PHKA1: variants seen among roughly 807,000 people sequenced by gnomAD.
The protein encoded by PHKA1 is phosphorylase kinase regulatory subunit alpha 1.
A neutral mutation model predicts 110.2 loss-of-function variants in PHKA1; 60 were observed. The ratio of observed to expected loss-of-function variants is 0.54; its 90% CI spans 0.44 to 0.68. The LOEUF is 0.68. Among genes scored for constraint, PHKA1 ranks in the 30% least tolerant of loss-of-function variants. The pLI, the probability that PHKA1 is intolerant of heterozygous loss-of-function variation, is 0.00. For missense variants in PHKA1, 801 were observed against 942.5 expected, an observed-to-expected ratio of 0.85 and a Z score of 1.97; for synonymous variants, 316 against 333.6, an observed-to-expected ratio of 0.95 and a Z score of 0.58.
At position 72,621,919 on chromosome X, in the gene PHKA1, C is replaced by T. The variant is rs893896766; in HGVS notation, c.1961-1018G>A. On this transcript the variant is annotated intron_variant, in intron 18 of 31. Coordinates refer to ENST00000373542, the MANE Select transcript of PHKA1 (RefSeq NM_002637.4). ...ACTCAGAATGCCATAATGTCAAATTCAGTAACACGTATCATTAGAAATATA... is the reference window on the plus strand; with the variant it reads ...ACTCAGAATGCCATAATGTCAAATTTAGTAACACGTATCATTAGAAATATA... 8.0e-6 allele frequency: 6 copies of T among 747,521 alleles called. No individual in the cohort carries two copies. The African/African-American group carries it at 9.3e-5, about 12-fold the overall frequency. The allele number at this position is 747,521 out of a possible 1,213,427, so 61.6% of individuals were successfully genotyped here. A position where few individuals can be genotyped will look rare whatever the true frequency, so the allele number is the denominator to read the frequency against.
intron 10 of PHKA1, among the ~76,000 whole-genome samples, chrX:72,654,824 G>T: frequency 1.0e-5 from 1 of 96,231 alleles, no homozygotes; most frequent in African/African-American, 3.9e-5. Flanking sequence ...TTGAGACGGA[G>T]TCTCGCTCTG....
Position 72,611,056 on chromosome X carries a change from A to G in PHKA1, c.2498T>C (p.Leu833Ser). 8.3e-7 allele frequency: 1 copy of G among 1,207,637 alleles called. No individual in the cohort carries two copies. Among genetic ancestry groups the G allele is most frequent in the Non-Finnish European group, 1.1e-6 (1 of 892,174 alleles). ...ATCAAGTGCTTCCACTTTCTTCCTTAAGATCCCAGAAATGTATCGGATCAG... is the reference window on the plus strand; with the variant it reads ...ATCAAGTGCTTCCACTTTCTTCCTTGAGATCCCAGAAATGTATCGGATCAG... Reference protein sequence around the residue: ...WGLIRYISGILRKKVEALDEA... With the variant: ...WGLIRYISGISRKKVEALDEA... The change falls in exon 22 of 32, where the codon TTA becomes TCA. Residue 833 changes from leucine to serine, a missense_variant. Coordinates refer to ENST00000373542, the MANE Select transcript of PHKA1 (RefSeq NM_002637.4).
At chrX:72,656,039 G>A in intron 10 of PHKA1, 81 bp downstream of exon 10, 2 of 1,084,933 alleles carry the variant, frequency 1.8e-6, no homozygotes, top group Non-Finnish European at 2.6e-6. Context: ...ACTTCCAACT[G>A]GACACAGGGT....
chrX:72,582,567 T>G lies in PHKA1; in HGVS notation c.3329A>C (p.His1110Pro), dbSNP rs1556204463. ...TACACGATTCAGGACAGACTCCACA[T>G]GAACAGAGAATTTAATCTCACCTGG... Reference protein sequence around the residue: ...MTPGEIKFSVHVESVLNRVPQ... With the variant: ...MTPGEIKFSVPVESVLNRVPQ... The change falls in exon 31 of 32, where the codon CAT becomes CCT. Residue 1110 changes from histidine (H) to proline (P), a missense_variant. Physicochemically the swap from His to Pro is moderately conservative, Grantham distance 77. Coordinates refer to ENST00000373542, the MANE Select transcript of PHKA1 (RefSeq NM_002637.4). The G allele has an allele frequency of 8.3e-7, 1 of 1,200,802 alleles. No individual in the cohort carries two copies. Among genetic ancestry groups the G allele is most frequent in the Admixed American group, 2.2e-5 (1 of 45,967 alleles).
chrX:72,658,197 T>G (rs1183659926), intron 8 of PHKA1, among the ~76,000 whole-genome samples: 1 of 111,768 alleles, frequency 8.9e-6, no homozygotes, highest in African/African-American at 3.3e-5. Flanking sequence ...TAGTGGCTCA[T>G]GCCTGTAACC....
intron 29 of PHKA1, among the ~76,000 whole-genome samples, chrX:72,587,612 G>C (rs1419994945): frequency 9.0e-6 from 1 of 111,647 alleles, no homozygotes; most frequent in African/African-American, 3.3e-5. Flanking sequence ...TGGGCTAAAT[G>C]CTGCAATTAA....
chrX:72,609,013 T>C (rs1174746379), intron 23 of PHKA1, among the ~76,000 whole-genome samples: 1 of 112,258 alleles, frequency 8.9e-6, no homozygotes, highest in Non-Finnish European at 1.9e-5. Context: ...TTACTGCAGA[T>C]GAATTTTACT....
intron 28 of PHKA1, among the ~76,000 whole-genome samples, chrX:72,598,738 G>A: frequency 9.0e-6 from 1 of 111,565 alleles, no homozygotes; most frequent in Non-Finnish European, 1.9e-5. Context: ...CTAAGTAAAG[G>A]ATAAAATACA....
chrX:72,657,096 T>C (rs1449301344), intron 9 of PHKA1, among the ~76,000 whole-genome samples: 2 of 112,212 alleles, frequency 1.8e-5, no homozygotes, highest in East Asian at 2.8e-4. Context: ...ATTTTTCTCA[T>C]TGATATTTCC....
chrX:72,640,854 G>T (rs2053287940), intron 14 of PHKA1, among the ~76,000 whole-genome samples: 1 of 111,344 alleles, frequency 9.0e-6, no homozygotes. Flanking sequence ...AATATTTAAA[G>T]ATTTGTACAC....
At position 72,609,623 on chromosome X, in the gene PHKA1, C is replaced by G. The variant is rs373517016; in HGVS notation, c.2606+1G>C. ...GCCTGACCAAACCCAGCCATACTCA[C>G]GCAGAGATAGTCTTTTCTCGAGGTT... On this transcript the variant is annotated splice_donor_variant, in intron 23 of 31. Coordinates refer to ENST00000373542, the MANE Select transcript of PHKA1 (RefSeq NM_002637.4). LOFTEE classifies it high-confidence loss of function. 8.4e-7 allele frequency: 1 copy of G among 1,190,373 alleles called. No homozygotes were observed. Among genetic ancestry groups the G allele is most frequent in the Non-Finnish European group, 1.1e-6 (1 of 876,084 alleles).
intron 25 of PHKA1, among the ~76,000 whole-genome samples, chrX:72,604,481 ATG>A (rs1470692998): frequency 1.8e-5 from 2 of 111,835 alleles, no homozygotes; most frequent in Non-Finnish European, 3.8e-5. Context: ...AAATTATCTC[ATG>A]TGTTTGAGTT....
At chrX:72,655,490 T>A (rs1252199357) in intron 10 of PHKA1, among the ~76,000 whole-genome samples, 1 of 112,578 alleles carries the variant, frequency 8.9e-6, no homozygotes, top group Non-Finnish European at 1.9e-5. Flanking sequence ...ACAATATGTC[T>A]TTATCTGTGA....
chrX:72,582,086 C>T, intron 31 of PHKA1, among the ~76,000 whole-genome samples: 1 of 112,033 alleles, frequency 8.9e-6, no homozygotes, highest in Admixed American at 9.5e-5. Flanking sequence ...CTACAAAAAG[C>T]ACTGTGATCA....
At chrX:72,590,609 T>C (rs1182021281) in intron 29 of PHKA1, among the ~76,000 whole-genome samples, 1 of 111,980 alleles carries the variant, frequency 8.9e-6, no homozygotes, top group Non-Finnish European at 1.9e-5. Context: ...GAAACTACCA[T>C]CAGAGTGCAC....
At chrX:72,710,902 C>T (rs2054368359) in intron 2 of PHKA1, among the ~76,000 whole-genome samples, 1 of 105,025 alleles carries the variant, frequency 9.5e-6, no homozygotes, top group African/African-American at 3.5e-5. Flanking sequence ...CGCTCTGTCG[C>T]CCAGGCTGGA....
intron 21 of PHKA1, among the ~76,000 whole-genome samples, chrX:72,616,875 G>T (rs920222207): frequency 4.5e-5 from 5 of 111,329 alleles, no homozygotes; most frequent in Non-Finnish European, 5.7e-5. Flanking sequence ...ACAAATACAA[G>T]GAAATTAAAC....
At chrX:72,685,746 G>A (rs1262946435) in intron 4 of PHKA1, among the ~76,000 whole-genome samples, 3 of 111,915 alleles carry the variant, frequency 2.7e-5, no homozygotes, top group Non-Finnish European at 5.7e-5. Context: ...TTAAAAATCA[G>A]GAAGCTAATT....
Position 72,676,092 on chromosome X carries a change from G to C in PHKA1, c.596C>G (p.Ala199Gly). The C allele has an allele frequency of 8.3e-7, 1 of 1,208,370 alleles. No homozygotes were observed. Among genetic ancestry groups the C allele is most frequent in the Non-Finnish European group, 1.1e-6 (1 of 892,951 alleles). The change falls in exon 6 of 32, where the codon GCC becomes GGC. Residue 199 changes from alanine to glycine, a missense_variant. Ala to Gly is a moderately conservative substitution (Grantham distance 60, BLOSUM62 0). Coordinates refer to ENST00000373542, the MANE Select transcript of PHKA1 (RefSeq NM_002637.4). ...KTNQGISELN[A>G]SSVGMAKAAL... ...TACCTTTGCCATTCCAACTGAACTG[G>C]CATTCAACTCTGAGATCCCTTGGTT...
Sources: allele counts gnomAD v4.1 joint callset (sites outside exome capture counted in the v4.1 genomes callset), GRCh38; gene constraint gnomAD v4.1.1; transcripts MANE v1.5; gene names NCBI Gene and HGNC (gene_info 2026-07-23, HGNC 2026-07-21).